Variants in MGAT4A observed in about 807,000 individuals in gnomAD.
The protein encoded by MGAT4A is alpha-1,3-mannosyl-glycoprotein 4-beta-N-acetylglucosaminyltransferase A, also known as N-acetylglucosaminyltransferase IVa.
A neutral mutation model predicts 74.1 loss-of-function variants in MGAT4A; 33 were observed. The observed-to-expected ratio is 0.45, with a 90% CI of 0.34 to 0.60. The LOEUF is 0.60. MGAT4A is among the 20% of genes least tolerant of loss of function. The pLI is 0.02. For missense variants in MGAT4A, 479 were observed against 628.3 expected (o/e 0.76, Z 2.54); for synonymous variants, 198 against 210.4 (o/e 0.94, Z 0.51).
chr2:98,712,530 G>A (rs1030552131), intron 2 of MGAT4A, among the ~76,000 whole-genome samples: 1 of 152,196 alleles, frequency 6.6e-6, no homozygotes, highest in Non-Finnish European at 1.5e-5. Flanking sequence ...TTACACAGGT[G>A]TGCCCCTTTG....
At chr2:98,668,656 T>C (rs895376018) in intron 4 of MGAT4A, among the ~76,000 whole-genome samples, 16 of 152,138 alleles carry the variant, frequency 1.1e-4, no homozygotes, top group Non-Finnish European at 1.2e-4. Context: ...GACCCCAGAA[T>C]GATAGATCCA....
chr2:98,703,212 TA>T lies in MGAT4A; in HGVS notation c.94+23026del, dbSNP rs1460743082. Among the ~76,000 whole-genome samples the T allele has an allele frequency of 5.3e-5, 8 of 152,238 alleles. No homozygotes were observed. The East Asian group carries it at 1.3e-3, about 26-fold the overall frequency. On this transcript the variant is annotated intron_variant, in intron 2 of 15. Coordinates refer to ENST00000393487, the MANE Select transcript of MGAT4A (RefSeq NM_012214.3). Reference sequence around the variant, plus strand: ...AGAGAAAACGAAGAGACAGGAAATATAAAACAAAATGGAATTTAGTTGTTAG... The same window carrying T: ...AGAGAAAACGAAGAGACAGGAAATATAAACAAAATGGAATTTAGTTGTTAG...
chr2:98,631,475 G>A (rs1249806402), intron 14 of MGAT4A, among the ~76,000 whole-genome samples: 13 of 152,184 alleles, frequency 8.5e-5, no homozygotes, highest in South Asian at 4.1e-4. Context: ...GGCCTGCCAC[G>A]TCCCCATACT....
intron 8 of MGAT4A, among the ~76,000 whole-genome samples, chr2:98,646,294 G>A (rs969663114): frequency 3.3e-5 from 5 of 151,808 alleles, no homozygotes; most frequent in South Asian, 4.2e-4. Flanking sequence ...ACCTTTAAGC[G>A]CCCAGATTGT....
At chr2:98,630,236 A>G (rs1361137326) in intron 14 of MGAT4A, among the ~76,000 whole-genome samples, 2 of 152,224 alleles carry the variant, frequency 1.3e-5, no homozygotes, top group Non-Finnish European at 2.9e-5. Flanking sequence ...TGCTGTCCAC[A>G]GAATCCATCC....
intron 2 of MGAT4A, among the ~76,000 whole-genome samples, chr2:98,717,305 G>A (rs1484260265): frequency 1.3e-5 from 2 of 151,940 alleles, no homozygotes; most frequent in Non-Finnish European, 2.9e-5. Context: ...CTTGAACGTG[G>A]GAGGTGGAGG....
At chr2:98,712,105 C>T (rs1461083259) in intron 2 of MGAT4A, among the ~76,000 whole-genome samples, 5 of 152,188 alleles carry the variant, frequency 3.3e-5, no homozygotes, top group Admixed American at 1.3e-4. Flanking sequence ...CTCCATCCTT[C>T]GTGCATCTGG....
In MGAT4A at chr2:98,724,214, A is replaced by AC. The variant is rs1702727686; in HGVS notation, c.94+2024_94+2025insG. Among the ~76,000 whole-genome samples the AC allele has an allele frequency of 2.0e-5, 3 of 152,154 alleles. No individual in the cohort carries two copies. The South Asian group carries it at 6.2e-4, about 32-fold the overall frequency. On this transcript the variant is annotated intron_variant, in intron 2 of 15. Transcript: ENST00000393487. ...CCCATGAATGAATGAAAAAACAACA[A>AC]AAAAAAACCATTAGTTTAGCAACAT...
intron 4 of MGAT4A, among the ~76,000 whole-genome samples, chr2:98,667,844 C>T (rs1269634734): frequency 2.0e-5 from 3 of 151,926 alleles, no homozygotes; most frequent in Non-Finnish European, 4.4e-5. Context: ...CTCAGCCTCC[C>T]GAGTAGCTGG....
chr2:98,637,509 T>C (rs1272466741), intron 12 of MGAT4A, among the ~76,000 whole-genome samples: 13 of 152,264 alleles, frequency 8.5e-5, no homozygotes, highest in African/African-American at 3.1e-4. Flanking sequence ...TAAAATACTT[T>C]CTGGGTGTGA....
At chr2:98,647,384 G>A (rs1368042182) in intron 8 of MGAT4A, among the ~76,000 whole-genome samples, 2 of 151,910 alleles carry the variant, frequency 1.3e-5, no homozygotes, top group African/African-American at 2.4e-5. Context: ...GTACAATCTC[G>A]GCTCACTGTA....
chr2:98,680,040 C>CTTTTTT (rs778595164), intron 2 of MGAT4A, among the ~76,000 whole-genome samples: 24,536 of 130,208 alleles, frequency 0.19, 3,165 homozygotes, highest in Non-Finnish European at 0.28. Context: ...CTTAGAAAGG[C>CTTTTTT]TTTTTTTTTT....
At chr2:98,662,913 A>G (rs1234532162) in intron 5 of MGAT4A, 133 bp downstream of exon 5, 2 of 595,342 alleles carry the variant, frequency 3.4e-6, no homozygotes, top group Non-Finnish European at 5.4e-6. Context: ...ACTACCAGAT[A>G]GAATATATTA....
At chr2:98,691,652 A>G (rs1415232391) in intron 2 of MGAT4A, among the ~76,000 whole-genome samples, 1 of 152,174 alleles carries the variant, frequency 6.6e-6, no homozygotes, top group African/African-American at 2.4e-5. Flanking sequence ...TGGTTTATGT[A>G]TTTACTATAC....
chr2:98,726,275 T>G lies in MGAT4A; in HGVS notation c.58A>C (p.Thr20Pro). Residue 20 changes from threonine to proline, a missense_variant, in exon 2 of 16, where the codon ACT (threonine) becomes CCT (proline). Transcript: ENST00000393487. The stretch of plus-strand genomic sequence containing the variant: ...TGCCATGTAGTATACCAAGACAAAG[T>G]AAGGAAGGAAGTGATAAATGCTAAA... The part of the protein sequence containing the change: ...TALAFITSFL[T>P]LSWYTTWQNG... The G allele has an allele frequency of 5.6e-6, 9 of 1,614,076 alleles. No homozygotes were observed. Among genetic ancestry groups the G allele is most frequent in the Non-Finnish European group, 4.2e-6 (5 of 1,179,940 alleles).
At chr2:98,647,946 G>A (rs1346010391) in intron 8 of MGAT4A, among the ~76,000 whole-genome samples, 3 of 152,176 alleles carry the variant, frequency 2.0e-5, no homozygotes, top group East Asian at 1.9e-4. Flanking sequence ...TAATTATGAC[G>A]TCTGGAATAA....
intron 10 of MGAT4A, among the ~76,000 whole-genome samples, chr2:98,641,233 A>G (rs1575245725): frequency 1.3e-5 from 2 of 152,274 alleles, no homozygotes; most frequent in East Asian, 3.9e-4. Context: ...TAAGAAATTT[A>G]CACTTGACTG....
intron 10 of MGAT4A, among the ~76,000 whole-genome samples, chr2:98,640,658 C>G (rs1318229049): frequency 6.6e-6 from 1 of 152,038 alleles, no homozygotes; most frequent in African/African-American, 2.4e-5. Context: ...AAAACAACTT[C>G]AAGTCATAAT....
intron 10 of MGAT4A, among the ~76,000 whole-genome samples, chr2:98,641,757 G>A (rs1257057579): frequency 6.6e-6 from 1 of 152,008 alleles, no homozygotes; most frequent in African/African-American, 2.4e-5. Flanking sequence ...CACTTTGGGA[G>A]GCTGAGGTTG....
Sources: gnomAD v4.1 joint callset for allele counts (sites outside exome capture counted in the v4.1 genomes callset) on GRCh38, gnomAD v4.1.1 for gene constraint, MANE v1.5 for transcripts, NCBI Gene and HGNC (gene_info 2026-07-23, HGNC 2026-07-21) for gene names.